NEDD1: variants seen among roughly 807,000 people sequenced by gnomAD.
The protein encoded by NEDD1 is protein NEDD1.
A neutral mutation model predicts 74.0 loss-of-function variants in NEDD1; 33 were observed. The ratio of observed to expected loss-of-function variants is 0.45; its 90% CI spans 0.34 to 0.60. The LOEUF is 0.60. NEDD1 is among the 20% of genes least tolerant of loss of function. The probability of loss-of-function intolerance (pLI) is 0.01; values close to 1 mark genes in which losing one functional copy is unlikely to be tolerated. For synonymous variants in NEDD1, 250 were observed against 264.4 expected (o/e 0.95, Z 0.53); for missense variants, 746 against 776.5 (o/e 0.96, Z 0.47).
At position 96,920,855 on chromosome 12, in the gene NEDD1, A is replaced by G. The variant is rs141825006; in HGVS notation, c.489+730A>G. On this transcript the variant is annotated intron_variant, in intron 6 of 15. Transcript: ENST00000266742. ...TTCACTTTTGGGAAGTAGTTTTTTTAAATTATTACTTGAATAGTATTTAGT... is the reference window on the plus strand; with the variant it reads ...TTCACTTTTGGGAAGTAGTTTTTTTGAATTATTACTTGAATAGTATTTAGT... Among the ~76,000 whole-genome samples, 10 of 152,318 alleles carry G rather than the reference A, an allele frequency of 6.6e-5. No homozygotes were observed. The East Asian group carries it at 1.9e-3, about 29-fold the overall frequency.
At chr12:96,949,087 C>T (rs929453209) in intron 14 of NEDD1, among the ~76,000 whole-genome samples, 7 of 152,128 alleles carry the variant, frequency 4.6e-5, no homozygotes, top group East Asian at 1.9e-4. Context: ...CCCCACCCAG[C>T]GAGACTATCT....
chr12:96,947,452 C>T (rs975572978), intron 14 of NEDD1, among the ~76,000 whole-genome samples: 1 of 152,072 alleles, frequency 6.6e-6, no homozygotes, highest in African/African-American at 2.4e-5. Context: ...GAGAAGGCAC[C>T]GTGGTAAGAG....
intron 6 of NEDD1, among the ~76,000 whole-genome samples, chr12:96,922,048 G>GA (rs1233271030): frequency 1.4e-4 from 21 of 152,188 alleles, no homozygotes; most frequent in Admixed American, 6.5e-5. Flanking sequence ...ATTGATGTAA[G>GA]ACTGAATGTC....
chr12:96,921,383 G>C (rs1476116095), intron 6 of NEDD1, among the ~76,000 whole-genome samples: 1 of 152,108 alleles, frequency 6.6e-6, no homozygotes, highest in Non-Finnish European at 1.5e-5. Flanking sequence ...GTTTCACCAT[G>C]TTGGCCAGGC....
intron 14 of NEDD1, 60 bp from the exon 15 acceptor site, chr12:96,951,372 G>C (rs1446562630): frequency 1.1e-6 from 1 of 912,780 alleles, no homozygotes. Flanking sequence ...TGAGTTTCTT[G>C]AATGACCTAG....
chr12:96,929,556 T>TACACACACACACACACAC (rs71078436), intron 6 of NEDD1, among the ~76,000 whole-genome samples: 1 of 127,804 alleles, frequency 7.8e-6, no homozygotes, highest in Non-Finnish European at 1.6e-5. Flanking sequence ...TTTTCATGTA[T>TACACACACACACACACAC]ACACACACAC....
In NEDD1 at chr12:96,932,410, C is replaced by A. The variant is rs563360500; in HGVS notation, c.490-2566C>A. On this transcript the variant is annotated intron_variant, in intron 6 of 15. Transcript: ENST00000266742. ...GTGCTTGAGTCCAGGAGTTTGAGAC[C>A]AGCCTGGGCAAAATGGCAAAATCCT... Among the ~76,000 whole-genome samples the A allele has an allele frequency of 5.7e-5, 6 of 105,816 alleles. No individual in the cohort carries two copies. The East Asian group carries it at 1.8e-3, about 32-fold the overall frequency. 69.4% of individuals were successfully genotyped at this position (105,816 alleles called of 152,430 possible).
At chr12:96,950,318 G>T (rs1441783051) in intron 14 of NEDD1, among the ~76,000 whole-genome samples, 1 of 151,958 alleles carries the variant, frequency 6.6e-6, no homozygotes, top group African/African-American at 2.4e-5. Context: ...TGTTATACTG[G>T]TGACATCCAT....
chr12:96,932,463 A>AAAAAAAATATATATATATAT, intron 6 of NEDD1, among the ~76,000 whole-genome samples: 1 of 9,438 alleles, frequency 1.1e-4, no homozygotes, highest in African/African-American at 3.4e-4. Flanking sequence ...AAAAAAAAAA[A>AAAAAAAATATATATATATAT]ATATATATAT....
At chr12:96,950,698 C>T (rs1878631689) in intron 14 of NEDD1, among the ~76,000 whole-genome samples, 2 of 151,772 alleles carry the variant, frequency 1.3e-5, no homozygotes, top group Non-Finnish European at 3.0e-5. Flanking sequence ...TTTCTTTGTC[C>T]AACAAAATTC....
chr12:96,948,685 G>A (rs1262907129), intron 14 of NEDD1, among the ~76,000 whole-genome samples: 1 of 152,142 alleles, frequency 6.6e-6, no homozygotes, highest in Admixed American at 6.5e-5. Context: ...CTTTTGGCAA[G>A]CAGATCCCTT....
At chr12:96,950,351 A>G (rs1392118616) in intron 14 of NEDD1, among the ~76,000 whole-genome samples, 1 of 152,000 alleles carries the variant, frequency 6.6e-6, no homozygotes, top group Non-Finnish European at 1.5e-5. Flanking sequence ...TTGGAAAACA[A>G]TTTGCATGAT....
intron 14 of NEDD1, among the ~76,000 whole-genome samples, chr12:96,948,557 G>T (rs1428105452): frequency 2.6e-5 from 4 of 151,936 alleles, no homozygotes. Flanking sequence ...GATTTTATAG[G>T]TTATCAGGTT....
At chr12:96,912,348 T>C (rs1395649919) in intron 3 of NEDD1, among the ~76,000 whole-genome samples, 1 of 152,100 alleles carries the variant, frequency 6.6e-6, no homozygotes, top group African/African-American at 2.4e-5. Context: ...TTAATAAATA[T>C]CTTGAACAGT....
intron 6 of NEDD1, among the ~76,000 whole-genome samples, chr12:96,928,941 C>T (rs754089326): frequency 1.6e-4 from 24 of 151,912 alleles, no homozygotes; most frequent in Non-Finnish European, 2.8e-4. Context: ...CTGCCCGCCT[C>T]GGCCTCCCAA....
In NEDD1 at chr12:96,917,638, C is replaced by A; in HGVS notation, c.249C>A (p.Val83=). Residue 83 remains valine (V), a synonymous_variant, in exon 5 of 16, where the codon GTC becomes GTA. Coordinates refer to ENST00000266742, the MANE Select transcript of NEDD1 (RefSeq NM_152905.4). ...ELAEGQKQTC[V]NLNSTSMYLV... ...TTAAATAGCAAAAGCAGACATGTGTCAATTTAAATTCTACATCTATGTATT... is the reference window on the plus strand; with the variant it reads ...TTAAATAGCAAAAGCAGACATGTGTAAATTTAAATTCTACATCTATGTATT... The A allele has an allele frequency of 1.3e-6, 2 of 1,494,618 alleles. No individual in the cohort carries two copies. Among genetic ancestry groups the A allele is most frequent in the South Asian group, 1.5e-5 (1 of 68,718 alleles). The allele number at this position is 1,494,618 out of a possible 1,614,324, so 92.6% of individuals were successfully genotyped here.
At chr12:96,938,860 C>A (rs1345179868) in intron 9 of NEDD1, among the ~76,000 whole-genome samples, 2 of 151,874 alleles carry the variant, frequency 1.3e-5, no homozygotes, top group African/African-American at 4.8e-5. Context: ...TTTTTCTTTG[C>A]CTCTGAAACA....
chr12:96,929,123 G>C (rs765410888), intron 6 of NEDD1, among the ~76,000 whole-genome samples: 43 of 150,796 alleles, frequency 2.9e-4, no homozygotes, highest in Non-Finnish European at 4.7e-4. Context: ...ATCTTCAGTG[G>C]TTTATCATTT....
chr12:96,908,737 C>A (rs1873585532), intron 2 of NEDD1, among the ~76,000 whole-genome samples: 2 of 152,188 alleles, frequency 1.3e-5, no homozygotes, highest in South Asian at 4.1e-4. Flanking sequence ...TGACTGGATT[C>A]TGACCTGCAG....
Sources: allele counts gnomAD v4.1 joint callset (sites outside exome capture counted in the v4.1 genomes callset), GRCh38; gene constraint gnomAD v4.1.1; transcripts MANE v1.5; gene names NCBI Gene and HGNC (gene_info 2026-07-23, HGNC 2026-07-21).